The following RAPGEF4 variants were observed in gnomAD, a reference collection of about 807,000 sequenced individuals.
RAPGEF4 encodes the protein RAP guanine-nucleotide-exchange factor (GEF) 4.
In RAPGEF4, 66 loss-of-function variants were observed where a neutral mutation model predicts 147.9. That is an observed-to-expected ratio of 0.45 (90% CI 0.37 to 0.55). RAPGEF4 has a LOEUF of 0.55. Ranked by LOEUF, RAPGEF4 falls within the 20% of genes least tolerant of loss-of-function variation. RAPGEF4 has a pLI of 0.00. For synonymous variants in RAPGEF4, 419 were observed against 442.7 expected (o/e 0.95, Z 0.67); for missense variants, 1,071 against 1,257.3 (o/e 0.85, Z 2.24).
chr2:172,795,842 T>G (rs1301882111), intron 2 of RAPGEF4, among the ~76,000 whole-genome samples: 3 of 152,222 alleles, frequency 2.0e-5, no homozygotes, highest in African/African-American at 7.2e-5. Context: ...CTTCCTGTAT[T>G]TTTTGTTTTT....
chr2:172,755,115 A>T (rs970810704), intron 1 of RAPGEF4, among the ~76,000 whole-genome samples: 1 of 152,156 alleles, frequency 6.6e-6, no homozygotes, highest in African/African-American at 2.4e-5. Context: ...ACCCTGAGGA[A>T]TACTCTGGGA....
chr2:172,817,960 TTA>T (rs762859889), intron 4 of RAPGEF4, among the ~76,000 whole-genome samples: 27 of 140,560 alleles, frequency 1.9e-4, no homozygotes, highest in African/African-American at 2.8e-4. Flanking sequence ...ATTATATGAA[TTA>T]TATATATATA....
chr2:172,772,926 A>G (rs544319627), intron 1 of RAPGEF4, among the ~76,000 whole-genome samples: 3 of 152,338 alleles, frequency 2.0e-5, no homozygotes, highest in African/African-American at 7.2e-5. Context: ...GAATCTGCTT[A>G]GCACACAGGT....
chr2:172,954,522 C>T (rs973092849), intron 6 of RAPGEF4, among the ~76,000 whole-genome samples: 1 of 152,140 alleles, frequency 6.6e-6, no homozygotes, highest in Non-Finnish European at 1.5e-5. Context: ...GAAGAAGTCT[C>T]TAGATGATTT....
intron 4 of RAPGEF4, among the ~76,000 whole-genome samples, chr2:172,843,816 C>T (rs527779423): frequency 2.6e-5 from 4 of 152,268 alleles, no homozygotes; most frequent in South Asian, 2.1e-4. Context: ...CCAAGGCGTA[C>T]GCTAGGATCT....
intron 29 of RAPGEF4, among the ~76,000 whole-genome samples, chr2:173,047,125 A>G (rs932140174): frequency 4.3e-4 from 64 of 148,518 alleles, no homozygotes; most frequent in African/African-American, 1.6e-3. Context: ...CCCCCTTTAG[A>G]GCCTGAGCAG....
intron 22 of RAPGEF4, 79 bp from the exon 23 acceptor site, chr2:173,020,539 A>T: frequency 8.9e-7 from 1 of 1,120,620 alleles, no homozygotes; most frequent in Admixed American, 1.7e-5. Flanking sequence ...CCAAGCTGGC[A>T]ATTTGTTGGT....
intron 10 of RAPGEF4, among the ~76,000 whole-genome samples, chr2:172,972,780 C>T (rs1044525971): frequency 6.6e-6 from 1 of 152,098 alleles, no homozygotes; most frequent in Non-Finnish European, 1.5e-5. Flanking sequence ...ATAAGATTGC[C>T]TCAAGGTTTT....
chr2:172,963,305 G>T (rs145443451), intron 8 of RAPGEF4, among the ~76,000 whole-genome samples: 1 of 152,178 alleles, frequency 6.6e-6, no homozygotes, highest in East Asian at 1.9e-4. Flanking sequence ...TTTGAGAAAA[G>T]TAAAGGTTAA....
chr2:172,862,173 G>A (rs1694123913), intron 4 of RAPGEF4, among the ~76,000 whole-genome samples: 1 of 152,182 alleles, frequency 6.6e-6, no homozygotes, highest in Non-Finnish European at 1.5e-5. Flanking sequence ...AAGGACATAT[G>A]GAAAAATCCC....
intron 4 of RAPGEF4, among the ~76,000 whole-genome samples, chr2:172,882,941 T>C (rs1460643240): frequency 6.6e-6 from 1 of 152,188 alleles, no homozygotes; most frequent in Non-Finnish European, 1.5e-5. Context: ...CAAGTCCAAT[T>C]GTTGCATTTA....
intron 4 of RAPGEF4, among the ~76,000 whole-genome samples, chr2:172,889,354 TTATACA>T (rs1697616801): frequency 6.6e-6 from 1 of 152,180 alleles, no homozygotes; most frequent in African/African-American, 2.4e-5. Context: ...ACAATAATAC[TTATACA>T]TAGTAATAAT....
intron 4 of RAPGEF4, among the ~76,000 whole-genome samples, chr2:172,831,652 G>A (rs1260341373): frequency 1.3e-5 from 2 of 152,130 alleles, no homozygotes; most frequent in East Asian, 3.9e-4. Context: ...TACATTTGTT[G>A]GAAATTTGAA....
intron 4 of RAPGEF4, among the ~76,000 whole-genome samples, chr2:172,861,668 T>C (rs1694066579): frequency 6.6e-6 from 1 of 152,230 alleles, no homozygotes; most frequent in Admixed American, 6.5e-5. Context: ...TGAATCTTAA[T>C]CTGTTTAATT....
At chr2:172,780,211 TGGGAGATACCCA>T (rs955520802) in intron 1 of RAPGEF4, among the ~76,000 whole-genome samples, 1 of 152,170 alleles carries the variant, frequency 6.6e-6, no homozygotes, top group Admixed American at 6.5e-5. Flanking sequence ...CATATACACA[TGGGAGATACCCA>T]GGGACTGAGT....
At chr2:172,836,523 C>T (rs1476725082) in intron 4 of RAPGEF4, among the ~76,000 whole-genome samples, 3 of 152,210 alleles carry the variant, frequency 2.0e-5, no homozygotes, top group African/African-American at 7.2e-5. Context: ...AATAACACTG[C>T]TTAGGTAAGA....
intron 27 of RAPGEF4, 136 bp downstream of exon 27, chr2:173,034,100 C>A: frequency 1.3e-6 from 1 of 751,174 alleles, no homozygotes; most frequent in East Asian, 2.8e-5. Flanking sequence ...CCTTTTAGTG[C>A]TGCTAAAACA....
rs563034048 is a variant in RAPGEF4 at position 172,952,628 on chromosome 2, A to G, written c.538-8132A>G. Among the ~76,000 whole-genome samples the G allele has an allele frequency of 2.0e-5, 3 of 152,350 alleles. No homozygotes were observed. In the South Asian group the frequency reaches 6.2e-4, roughly 32 times the overall value. Reference sequence around the variant, plus strand: ...TCTAGGCTCGATCAAGCCAATTTGTAAGGAAAAAATGAACTACTTTGTAAG... The same window carrying G: ...TCTAGGCTCGATCAAGCCAATTTGTGAGGAAAAAATGAACTACTTTGTAAG... On this transcript the variant is annotated intron_variant, in intron 6 of 30. Transcript: ENST00000397081.
At chr2:172,799,030 G>T (rs1686694003) in intron 3 of RAPGEF4, among the ~76,000 whole-genome samples, 1 of 152,176 alleles carries the variant, frequency 6.6e-6, no homozygotes. Context: ...GACAGTCAAG[G>T]TGAGAGGTGG....
Sources: gnomAD v4.1 joint callset for allele counts (sites outside exome capture counted in the v4.1 genomes callset) on GRCh38, gnomAD v4.1.1 for gene constraint, MANE v1.5 for transcripts, NCBI Gene and HGNC (gene_info 2026-07-23, HGNC 2026-07-21) for gene names.